The following MITF variants were observed in gnomAD, a reference collection of about 807,000 sequenced individuals.
MITF encodes microphthalmia-associated transcription factor.
Under a neutral mutation model 60.5 loss-of-function variants are expected in MITF, and 17 were observed. The observed-to-expected ratio is 0.28, with a 90% CI of 0.19 to 0.42. The LOEUF (loss-of-function observed/expected upper bound fraction) is 0.42, where lower values mean the gene tolerates loss of function less well. Ranked by LOEUF, MITF falls within the 10% of genes least tolerant of loss-of-function variation. MITF has a pLI of 1.00. For missense variants in MITF, 622 were observed against 683.5 expected (o/e 0.91, Z 1.00); for synonymous variants, 260 against 248.5 (o/e 1.05, Z -0.43).
intron 1 of MITF, among the ~76,000 whole-genome samples, chr3:69,743,524 T>C (rs1303234053): frequency 1.3e-5 from 2 of 152,230 alleles, no homozygotes; most frequent in African/African-American, 4.8e-5. Context: ...CATCCTTGCC[T>C]TTAGGAATCT....
intron 1 of MITF, among the ~76,000 whole-genome samples, chr3:69,764,178 T>C (rs1041722625): frequency 9.2e-5 from 14 of 152,340 alleles, no homozygotes; most frequent in South Asian, 2.1e-4. Flanking sequence ...TTTCCACTTT[T>C]TATGTTATTT....
chr3:69,936,639 C>G, intron 2 of MITF: 2 of 1,595,518 alleles, frequency 1.3e-6, no homozygotes, highest in Non-Finnish European at 1.7e-6. Flanking sequence ...CTTTGCCAGT[C>G]CATCTTCAAA....
At chr3:69,901,610 G>C (rs919378492) in intron 2 of MITF, among the ~76,000 whole-genome samples, 1 of 152,112 alleles carries the variant, frequency 6.6e-6, no homozygotes, top group Non-Finnish European at 1.5e-5. Context: ...GTGGCACATG[G>C]TCTAATCACC....
At chr3:69,961,150 C>G (rs1020899188) in intron 9 of MITF, among the ~76,000 whole-genome samples, 2 of 151,994 alleles carry the variant, frequency 1.3e-5, no homozygotes, top group African/African-American at 4.8e-5. Flanking sequence ...TTTGGGAGGC[C>G]AAGGCGGGTG....
At chr3:69,845,124 A>G (rs2063707175) in intron 1 of MITF, among the ~76,000 whole-genome samples, 1 of 151,944 alleles carries the variant, frequency 6.6e-6, no homozygotes, top group Non-Finnish European at 1.5e-5. Context: ...TTTTTTCTTG[A>G]ATTATGTTTC....
intron 1 of MITF, chr3:69,866,129 G>C (rs967736768): frequency 2.2e-6 from 3 of 1,340,130 alleles, no homozygotes; most frequent in East Asian, 2.5e-5. Flanking sequence ...CAGGTCTGCT[G>C]TTGCAGACAG....
intron 1 of MITF, among the ~76,000 whole-genome samples, chr3:69,842,694 A>G (rs1223233285): frequency 6.6e-6 from 1 of 152,154 alleles, no homozygotes; most frequent in Non-Finnish European, 1.5e-5. Flanking sequence ...GATATGCTCA[A>G]GTTGTTTACT....
intron 2 of MITF, among the ~76,000 whole-genome samples, chr3:69,915,074 T>C (rs988099652): frequency 6.6e-6 from 1 of 152,196 alleles, no homozygotes; most frequent in Admixed American, 6.5e-5. Flanking sequence ...TATTCCTTTA[T>C]GTCACAAGGA....
At chr3:69,828,088 G>A (rs2063385457) in intron 1 of MITF, among the ~76,000 whole-genome samples, 1 of 147,882 alleles carries the variant, frequency 6.8e-6, no homozygotes, top group Non-Finnish European at 1.5e-5. Flanking sequence ...TACTGGCATG[G>A]GTGCCAGCTA....
rs191377919 is a variant in MITF, at chr3:69,954,715, A to G, written c.956-1740A>G. Among the ~76,000 whole-genome samples, 39 of 152,310 alleles carry G rather than the reference A, an allele frequency of 2.6e-4. 1 individual carries two copies. The highest frequency in any genetic ancestry group is 2.2e-3 in the Admixed American group (34 of 15,300). On this transcript the variant is annotated intron_variant, in intron 7 of 9. Transcript: ENST00000352241. ...TAGCTAGTGGATCAAGGACCCCACA[A>G]TTCCTTCTTCAAAACCATTGACCAT...
intron 2 of MITF, among the ~76,000 whole-genome samples, chr3:69,897,325 G>C (rs1474178346): frequency 6.6e-6 from 1 of 152,142 alleles, no homozygotes; most frequent in Non-Finnish European, 1.5e-5. Context: ...GACGTAAGAA[G>C]AAAGCACTGG....
chr3:69,899,222 G>T (rs1177613692), intron 2 of MITF, among the ~76,000 whole-genome samples: 1 of 152,176 alleles, frequency 6.6e-6, no homozygotes, highest in East Asian at 1.9e-4. Flanking sequence ...CAGATGCTGA[G>T]ACCCTGCAGT....
At chr3:69,776,802 C>T (rs1462024975) in intron 1 of MITF, among the ~76,000 whole-genome samples, 1 of 152,192 alleles carries the variant, frequency 6.6e-6, no homozygotes, top group Non-Finnish European at 1.5e-5. Flanking sequence ...AAAATACTCA[C>T]TACTCATAGC....
rs2066180028 is a variant in MITF, at chr3:69,949,249, G to C, written c.880+81G>C. ...GACAAAGTTATTGATATAGTGATGT[G>C]CAAACTATATCCAACTCATGGACGT... On this transcript the variant is annotated intron_variant, in intron 6 of 9. Coordinates refer to ENST00000352241, the MANE Select transcript of MITF (RefSeq NM_001354604.2). The C allele has an allele frequency of 1.9e-5, 20 of 1,049,110 alleles. No homozygotes were observed. In the Admixed American group the frequency reaches 3.2e-4, roughly 17 times the overall value. 65.0% of individuals were successfully genotyped at this position (1,049,110 alleles called of 1,614,324 possible).
intron 3 of MITF, 186 bp from the exon 4 acceptor site, chr3:69,938,912 A>C: frequency 1.4e-6 from 2 of 1,473,830 alleles, no homozygotes; most frequent in African/African-American, 2.8e-5. Context: ...TCTCTACCCA[A>C]ATTTGTCATC....
intron 1 of MITF, among the ~76,000 whole-genome samples, chr3:69,756,273 T>C (rs1275645635): frequency 6.6e-6 from 1 of 152,126 alleles, no homozygotes; most frequent in Admixed American, 6.5e-5. Flanking sequence ...CCTAATGCTC[T>C]CCCTCCCCTT....
At chr3:69,866,385 C>T (rs547243611) in intron 1 of MITF, 1 of 1,610,006 alleles carries the variant, frequency 6.2e-7, no homozygotes, top group South Asian at 1.1e-5. Context: ...CCCGGGACCA[C>T]TTAAGAGGAG....
Position 69,936,997 on chromosome 3 carries a change from G to A in MITF, c.355-825G>A, listed in dbSNP as rs1056937254. The A allele has an allele frequency of 2.5e-5, 10 of 395,524 alleles. No homozygotes were observed. The Admixed American group carries it at 4.4e-4, about 17-fold the overall frequency. 24.5% of individuals were successfully genotyped at this position (395,524 alleles called of 1,614,324 possible). ...GTGTGTGGCTAAACTATCTTCATCA[G>A]CTCCTGTTCATTGCTCATAAGATTA... On this transcript the variant is annotated intron_variant, in intron 2 of 9. Coordinates refer to ENST00000352241, the MANE Select transcript of MITF (RefSeq NM_001354604.2).
intron 2 of MITF, among the ~76,000 whole-genome samples, chr3:69,905,588 ATAT>A (rs1342476970): frequency 1.3e-5 from 2 of 152,106 alleles, no homozygotes; most frequent in Admixed American, 6.6e-5. Context: ...CTTGTCATTT[ATAT>A]TCTCACCAGC....
Sources: allele counts gnomAD v4.1 joint callset (sites outside exome capture counted in the v4.1 genomes callset), GRCh38; gene constraint gnomAD v4.1.1; transcripts MANE v1.5; gene names NCBI Gene and HGNC (gene_info 2026-07-23, HGNC 2026-07-21).